ZFHX3: variants seen among roughly 807,000 people sequenced by gnomAD.
ZFHX3 encodes zinc finger homeobox 3, also known as zinc finger homeobox protein 3.
A neutral mutation model predicts 279.1 loss-of-function variants in ZFHX3; 42 were observed. The observed-to-expected ratio is 0.15, with a 90% confidence interval of 0.12 to 0.19. The LOEUF is 0.19. ZFHX3 is among the 10% of genes least tolerant of loss of function. The probability of loss-of-function intolerance (pLI) is 1.00; values close to 1 mark genes in which losing one functional copy is unlikely to be tolerated. For missense variants in ZFHX3, 4,981 were observed against 4,754.0 expected, an observed-to-expected ratio of 1.05 and a Z score of -1.40; for synonymous variants, 2,293 against 1,957.8, an observed-to-expected ratio of 1.17 and a Z score of -4.52.
At chr16:72,882,980 GTGTGTGTGTGTGTGTGTGTGTGTGTGTGT>G (rs2038525446) in intron 4 of ZFHX3, among the ~76,000 whole-genome samples, 24 of 35,486 alleles carry the variant, frequency 6.8e-4, no homozygotes, top group East Asian at 1.0e-3. Context: ...ACTCTGGGGT[GTGTGTGTGTGTGTGTGTGTGTGTGTGTGT>G]GTGTGTGTGT....
chr16:73,699,136 G>A (rs1330043402), intron 1 of ZFHX3, among the ~76,000 whole-genome samples: 1 of 152,120 alleles, frequency 6.6e-6, no homozygotes, highest in African/African-American at 2.4e-5. Context: ...GCCCACCTTG[G>A]CCTCCCAATC....
intron 3 of ZFHX3, among the ~76,000 whole-genome samples, chr16:73,416,919 T>C (rs1211366438): frequency 1.3e-5 from 2 of 151,942 alleles, no homozygotes; most frequent in Non-Finnish European, 2.9e-5. Flanking sequence ...TATCATCATC[T>C]CAACGTACCT....
chr16:73,166,437 G>C (rs1567407637), intron 5 of ZFHX3, among the ~76,000 whole-genome samples: 2 of 152,162 alleles, frequency 1.3e-5, no homozygotes, highest in African/African-American at 4.8e-5. Context: ...GAACCTGGCA[G>C]GCATTTGGAT....
At chr16:73,115,712 A>G (rs957919495) in intron 7 of ZFHX3, among the ~76,000 whole-genome samples, 12 of 152,192 alleles carry the variant, frequency 7.9e-5, no homozygotes, top group Admixed American at 7.9e-4. Flanking sequence ...TATAGGAGGC[A>G]CTGCTATAGA....
intron 2 of ZFHX3, among the ~76,000 whole-genome samples, chr16:73,576,974 C>G (rs1597008089): frequency 6.6e-6 from 1 of 152,092 alleles, no homozygotes; most frequent in South Asian, 2.1e-4. Flanking sequence ...TTAGTTAGAT[C>G]TAGATTCTAA....
intron 2 of ZFHX3, among the ~76,000 whole-genome samples, chr16:73,627,139 GC>G (rs2052424511): frequency 6.6e-6 from 1 of 152,158 alleles, no homozygotes; most frequent in Admixed American, 6.5e-5. Flanking sequence ...GAATACCTAA[GC>G]AAAGAAAATT....
chr16:73,687,109 C>A (rs1245241567), intron 1 of ZFHX3, among the ~76,000 whole-genome samples: 2 of 137,116 alleles, frequency 1.5e-5, no homozygotes, highest in African/African-American at 2.7e-5. Flanking sequence ...CATTTCCAGG[C>A]CAGTTGCAGT....
intron 1 of ZFHX3, among the ~76,000 whole-genome samples, chr16:73,746,877 T>C (rs544210255): frequency 3.5e-4 from 54 of 152,372 alleles, no homozygotes; most frequent in African/African-American, 1.2e-3. Context: ...TTTTTCCTTA[T>C]TGCCAAAGTA....
At chr16:73,789,039 T>C (rs1271120670) in intron 1 of ZFHX3, among the ~76,000 whole-genome samples, 1 of 150,654 alleles carries the variant, frequency 6.6e-6, no homozygotes, top group Non-Finnish European at 1.5e-5. Flanking sequence ...TGTGTTTATG[T>C]ATCTATATAT....
intron 9 of ZFHX3, 112 bp from the exon 10 acceptor site, chr16:72,788,960 G>C: frequency 6.9e-7 from 1 of 1,440,610 alleles, no homozygotes; most frequent in Non-Finnish European, 9.2e-7. Context: ...AAGGCTTGAA[G>C]GATCCTCTCA....
At chr16:73,363,324 C>T (rs1354850663) in intron 3 of ZFHX3, among the ~76,000 whole-genome samples, 3 of 152,178 alleles carry the variant, frequency 2.0e-5, no homozygotes, top group African/African-American at 7.2e-5. Context: ...GTTTGTTATG[C>T]ACCAAAAGCT....
chr16:73,712,750 T>C (rs1387150235), intron 1 of ZFHX3, among the ~76,000 whole-genome samples: 1 of 152,196 alleles, frequency 6.6e-6, no homozygotes, highest in Non-Finnish European at 1.5e-5. Context: ...ATCAGCTTCC[T>C]TCACCCTAGG....
intron 5 of ZFHX3, among the ~76,000 whole-genome samples, chr16:73,235,189 C>A (rs905889878): frequency 6.6e-6 from 1 of 152,122 alleles, no homozygotes; most frequent in South Asian, 2.1e-4. Context: ...CCTGCCTCAG[C>A]CTCCTGAGTA....
chr16:73,043,646 A>G (rs1245215893), intron 1 of ZFHX3, among the ~76,000 whole-genome samples: 2 of 152,224 alleles, frequency 1.3e-5, no homozygotes, highest in African/African-American at 2.4e-5. Context: ...CCCCTGGCCC[A>G]AAGAATGAAA....
At chr16:72,830,175 C>G (rs1186212345) in intron 4 of ZFHX3, among the ~76,000 whole-genome samples, 1 of 152,232 alleles carries the variant, frequency 6.6e-6, no homozygotes, top group Non-Finnish European at 1.5e-5. Flanking sequence ...CTGGTTGAAG[C>G]AGTAACTCCA....
At chr16:73,642,468 A>C (rs1461911049) in intron 2 of ZFHX3, among the ~76,000 whole-genome samples, 3 of 152,214 alleles carry the variant, frequency 2.0e-5, no homozygotes, top group Non-Finnish European at 2.9e-5. Context: ...ATGAGTCCAC[A>C]ATCAATGGAT....
chr16:73,401,550 C>T (rs2017255387), intron 3 of ZFHX3: 1 of 152,140 alleles, frequency 6.6e-6, no homozygotes, highest in East Asian at 1.9e-4. Flanking sequence ...TTTGGATGGA[C>T]ACGCAGCGAC....
chr16:73,376,745 A>G (rs1324212370), intron 3 of ZFHX3, among the ~76,000 whole-genome samples: 1 of 152,160 alleles, frequency 6.6e-6, no homozygotes, highest in Non-Finnish European at 1.5e-5. Flanking sequence ...TTCTGTGTCA[A>G]TGGACGACAT....
intron 6 of ZFHX3, among the ~76,000 whole-genome samples, chr16:73,138,617 G>A (rs1041086571): frequency 2.0e-5 from 3 of 152,172 alleles, no homozygotes; most frequent in African/African-American, 7.2e-5. Flanking sequence ...TCTTCCTGCA[G>A]TTGTTACAGG....
Sources: gnomAD v4.1 joint callset for allele counts (sites outside exome capture counted in the v4.1 genomes callset) on GRCh38, gnomAD v4.1.1 for gene constraint, MANE v1.5 for transcripts, NCBI Gene and HGNC (gene_info 2026-07-23, HGNC 2026-07-21) for gene names.